The following ATXN1 variants were observed in gnomAD, a reference collection of about 807,000 sequenced individuals.
ATXN1 encodes ataxin 1.
In ATXN1, 8 loss-of-function variants were observed where a neutral mutation model predicts 56.4. That is an observed-to-expected ratio of 0.14 (90% CI 0.08 to 0.26). The LOEUF is 0.26. Among genes scored for constraint, ATXN1 ranks in the 10% least tolerant of loss-of-function variants. The pLI, the probability that ATXN1 is intolerant of heterozygous loss-of-function variation, is 1.00. For missense variants in ATXN1, 987 were observed against 1,106.5 expected (o/e 0.89, Z 1.53); for synonymous variants, 514 against 494.6 (o/e 1.04, Z -0.52).
intron 6 of ATXN1, among the ~76,000 whole-genome samples, chr6:16,332,506 C>G (rs1224263589): frequency 2.0e-5 from 3 of 152,092 alleles, no homozygotes; most frequent in Non-Finnish European, 2.9e-5. Context: ...AATTGCCCTC[C>G]CAGGGGACCC....
chr6:16,423,606 C>A (rs1184731161), intron 6 of ATXN1, among the ~76,000 whole-genome samples: 1 of 152,074 alleles, frequency 6.6e-6, no homozygotes, highest in East Asian at 1.9e-4. Context: ...GAGGTGGAGG[C>A]CTAGAGAGAG....
At chr6:16,689,438 G>A (rs926294081) in intron 2 of ATXN1, among the ~76,000 whole-genome samples, 1 of 150,994 alleles carries the variant, frequency 6.6e-6, no homozygotes, top group Non-Finnish European at 1.5e-5. Context: ...CTCAGCTCCC[G>A]AGCAGCTGAG....
chr6:16,558,410 T>A (rs545890756), intron 4 of ATXN1, among the ~76,000 whole-genome samples: 1 of 152,178 alleles, frequency 6.6e-6, no homozygotes, highest in Admixed American at 6.5e-5. Flanking sequence ...GGTCTCACTC[T>A]GTCACCCAGG....
chr6:16,699,763 A>G (rs570943684), intron 2 of ATXN1, among the ~76,000 whole-genome samples: 6 of 152,140 alleles, frequency 3.9e-5, no homozygotes, highest in Admixed American at 3.3e-4. Flanking sequence ...TCAGACTCGC[A>G]TGATTCTGAG....
At chr6:16,334,025 C>T (rs1581696386) in intron 6 of ATXN1, among the ~76,000 whole-genome samples, 1 of 152,178 alleles carries the variant, frequency 6.6e-6, no homozygotes, top group Non-Finnish European at 1.5e-5. Flanking sequence ...AACACTCATT[C>T]CGTTTCTAGT....
At chr6:16,379,727 G>T (rs905989137) in intron 6 of ATXN1, among the ~76,000 whole-genome samples, 2 of 152,146 alleles carry the variant, frequency 1.3e-5, no homozygotes, top group African/African-American at 2.4e-5. Context: ...TCACTCTTAC[G>T]CAGGTAATAA....
At chr6:16,440,286 A>C (rs1390239785) in intron 6 of ATXN1, among the ~76,000 whole-genome samples, 4 of 151,970 alleles carry the variant, frequency 2.6e-5, no homozygotes, top group African/African-American at 9.7e-5. Flanking sequence ...AAACAGATGA[A>C]AACTTTGATA....
chr6:16,374,320 A>T (rs1192520448), intron 6 of ATXN1, among the ~76,000 whole-genome samples: 1 of 152,290 alleles, frequency 6.6e-6, no homozygotes, highest in East Asian at 1.9e-4. Context: ...TAGCTTAAAA[A>T]CTTCCCTACT....
At chr6:16,367,995 T>C (rs1373551119) in intron 6 of ATXN1, among the ~76,000 whole-genome samples, 1 of 151,994 alleles carries the variant, frequency 6.6e-6, no homozygotes. Context: ...TGTGAAACCC[T>C]GTCTCTACTA....
intron 4 of ATXN1, among the ~76,000 whole-genome samples, chr6:16,541,412 CTG>C (rs1266373826): frequency 6.6e-6 from 1 of 152,158 alleles, no homozygotes; most frequent in Non-Finnish European, 1.5e-5. Flanking sequence ...GCGTCTCTTT[CTG>C]TTTCTTTCTT....
rs550141326 is a variant in ATXN1 at position 16,306,599 on chromosome 6, C to G, written c.2178G>C (p.Gln726His). Reference sequence around the variant, plus strand: ...CACTCCCCTGGTTGATTCCGTTTTCCTGCTCGGCATACCTGTGTCTGCTGC... The same window carrying G: ...CACTCCCCTGGTTGATTCCGTTTTCGTGCTCGGCATACCTGTGTCTGCTGC... The part of the protein sequence containing the change: ...LAGSRHRYAE[Q>H]ENGINQGSAQ... The change falls in exon 8 of 8, where the codon CAG (glutamine) becomes CAC (histidine). Residue 726 changes from glutamine to histidine, a missense_variant. Gln to His is a conservative substitution (Grantham distance 24). Around this residue, in one of 3 missense-constraint regions of ATXN1, gnomAD observed 196 missense variants for 196.7 expected, o/e 1.00. Transcript: ENST00000436367. This position sits in a 1 kb window ranked among gnomAD's most constrained non-coding sequence, Gnocchi z 5.2. 6.2e-7 allele frequency: 1 copy of G among 1,614,240 alleles called. No homozygotes were observed. The highest frequency in any genetic ancestry group is 1.3e-5 in the African/African-American group (1 of 75,054).
intron 6 of ATXN1, among the ~76,000 whole-genome samples, chr6:16,343,359 T>A (rs1761300467): frequency 6.6e-6 from 1 of 151,998 alleles, no homozygotes. Context: ...AATAAATAAA[T>A]AAATATGTCA....
chr6:16,640,543 C>G (rs949065318), intron 3 of ATXN1, among the ~76,000 whole-genome samples: 1 of 151,992 alleles, frequency 6.6e-6, no homozygotes, highest in African/African-American at 2.4e-5. Flanking sequence ...GTTAGCCGGA[C>G]GTAGTGGCGG....
intron 6 of ATXN1, among the ~76,000 whole-genome samples, chr6:16,408,953 C>T (rs1456391183): frequency 1.3e-5 from 2 of 152,152 alleles, no homozygotes; most frequent in Admixed American, 1.3e-4. Flanking sequence ...GGGTGTTTGG[C>T]ACACAGTAGG....
At chr6:16,581,877 C>T (rs1458042968) in intron 4 of ATXN1, among the ~76,000 whole-genome samples, 3 of 152,152 alleles carry the variant, frequency 2.0e-5, no homozygotes, top group Non-Finnish European at 2.9e-5. Context: ...CGGTGACATC[C>T]ATCTTTCTAA....
chr6:16,377,346 G>A (rs1762160273), intron 6 of ATXN1, among the ~76,000 whole-genome samples: 1 of 152,204 alleles, frequency 6.6e-6, no homozygotes, highest in Admixed American at 6.5e-5. Flanking sequence ...GAGTGAATGT[G>A]GCACACTCTT....
intron 4 of ATXN1, among the ~76,000 whole-genome samples, chr6:16,552,800 G>C (rs921619120): frequency 6.6e-6 from 1 of 152,172 alleles, no homozygotes; most frequent in African/African-American, 2.4e-5. Flanking sequence ...CCATGTCAAT[G>C]ATGTTCAGCT....
intron 3 of ATXN1, among the ~76,000 whole-genome samples, chr6:16,630,823 G>C (rs142701292): frequency 8.6e-4 from 131 of 152,328 alleles, no homozygotes; most frequent in Non-Finnish European, 1.5e-3. Context: ...AAAATGGTCA[G>C]ATTGATACTC....
chr6:16,757,555 C>A (rs1435417149), intron 1 of ATXN1, among the ~76,000 whole-genome samples: 1 of 152,172 alleles, frequency 6.6e-6, no homozygotes, highest in Non-Finnish European at 1.5e-5. Context: ...TTACCAACCA[C>A]ATAAACTCAC....
Sources: gnomAD v4.1 joint callset for allele counts (sites outside exome capture counted in the v4.1 genomes callset) on GRCh38, gnomAD v4.1.1 for gene constraint, gnomAD v4.1.1 regional missense constraint, Gnocchi (gnomAD v3.1) non-coding constraint, MANE v1.5 for transcripts, NCBI Gene and HGNC (gene_info 2026-07-23, HGNC 2026-07-21) for gene names.